DTD1: variants seen among roughly 807,000 people sequenced by gnomAD.
DTD1 encodes the protein D-tyrosyl-tRNA deacylase 1 homolog.
In DTD1, 13 loss-of-function variants were observed where a neutral mutation model predicts 25.6. That is an observed-to-expected ratio of 0.51 (90% CI 0.33 to 0.81). DTD1 has a LOEUF of 0.81. Ranked by LOEUF, DTD1 falls within the 30% of genes least tolerant of loss-of-function variation. The pLI is 0.02. For missense variants in DTD1, 193 were observed against 266.4 expected (o/e 0.72, Z 1.92); for synonymous variants, 110 against 103.6 (o/e 1.06, Z -0.37).
chr20:18,747,679 T>C (rs2061305442), intron 5 of DTD1, among the ~76,000 whole-genome samples: 1 of 152,098 alleles, frequency 6.6e-6, no homozygotes, highest in Admixed American at 6.5e-5. Context: ...CTGTACTTAA[T>C]AGTCTTTCCT....
At chr20:18,596,553 G>A (rs1473108743) in intron 3 of DTD1, among the ~76,000 whole-genome samples, 1 of 152,072 alleles carries the variant, frequency 6.6e-6, no homozygotes, top group African/African-American at 2.4e-5. Context: ...TAGAAGTATA[G>A]TGCAAGCCTC....
intron 3 of DTD1, among the ~76,000 whole-genome samples, chr20:18,599,962 C>T (rs1375814443): frequency 6.6e-6 from 1 of 152,090 alleles, no homozygotes; most frequent in Admixed American, 6.5e-5. Context: ...AATATTTATC[C>T]TTTATCAGAT....
rs1308810236 is a variant in DTD1 at position 18,606,060 on chromosome 20, T to A, written c.370+9819T>A. 4.0e-3 allele frequency among the ~76,000 whole-genome samples: 506 copies of A among 126,644 alleles called. 1 individual carries two copies. Among genetic ancestry groups the A allele is most frequent in the African/African-American group, 0.011 (387 of 34,368 alleles). 83.1% of individuals were successfully genotyped at this position (126,644 alleles called of 152,430 possible). On this transcript the variant is annotated intron_variant, in intron 3 of 5. Transcript: ENST00000377452. The stretch of plus-strand genomic sequence containing the variant: ...AAGGGCTAATATCCAGAATCTACAA[T>A]GAACTCAAACAAATTTACAAGAAAA...
intron 4 of DTD1, among the ~76,000 whole-genome samples, chr20:18,738,089 G>A (rs1171573824): frequency 6.6e-6 from 1 of 152,202 alleles, no homozygotes; most frequent in Non-Finnish European, 1.5e-5. Flanking sequence ...CCTCAGGAAG[G>A]CAGGGCTCTG....
At chr20:18,721,617 C>G (rs1260947934) in intron 4 of DTD1, among the ~76,000 whole-genome samples, 1 of 152,120 alleles carries the variant, frequency 6.6e-6, no homozygotes, top group East Asian at 1.9e-4. Context: ...TTTAGAAGAA[C>G]ATATCTGATT....
At chr20:18,663,577 A>G (rs569529888) in intron 4 of DTD1, among the ~76,000 whole-genome samples, 40 of 152,242 alleles carry the variant, frequency 2.6e-4, no homozygotes, top group African/African-American at 7.9e-4. Flanking sequence ...TTTCTTTTCT[A>G]TGTTTAGATA....
chr20:18,681,247 A>G (rs2060995619), intron 4 of DTD1, among the ~76,000 whole-genome samples: 1 of 152,224 alleles, frequency 6.6e-6, no homozygotes. Context: ...CCAGCTGGGC[A>G]CGCTGAGCTG....
chr20:18,630,158 G>GT (rs1256417876), intron 4 of DTD1, among the ~76,000 whole-genome samples: 1 of 151,978 alleles, frequency 6.6e-6, no homozygotes, highest in African/African-American at 2.4e-5. Context: ...ACATGAAAAT[G>GT]TAAGCTTTTT....
intron 4 of DTD1, among the ~76,000 whole-genome samples, chr20:18,641,427 A>G (rs1206883197): frequency 6.6e-6 from 1 of 152,194 alleles, no homozygotes; most frequent in East Asian, 1.9e-4. Context: ...ACTGTTTTCC[A>G]CAGCGTCTGT....
chr20:18,728,314 G>A (rs1163480165), intron 4 of DTD1, among the ~76,000 whole-genome samples: 1 of 152,184 alleles, frequency 6.6e-6, no homozygotes, highest in African/African-American at 2.4e-5. Context: ...GACCTGGCTG[G>A]GGGATGGGAG....
At chr20:18,734,148 C>T (rs1164703207) in intron 4 of DTD1, among the ~76,000 whole-genome samples, 3 of 152,248 alleles carry the variant, frequency 2.0e-5, no homozygotes, top group Admixed American at 1.3e-4. Context: ...TAAAATGCCA[C>T]GTTAGATTCA....
At chr20:18,702,744 C>CAA (rs10583250) in intron 4 of DTD1, among the ~76,000 whole-genome samples, 14,666 of 122,490 alleles carry the variant, frequency 0.12, 1,081 homozygotes, top group Non-Finnish European at 0.17. Flanking sequence ...TGGAATGAGG[C>CAA]AAAAAAAAAA....
intron 4 of DTD1, among the ~76,000 whole-genome samples, chr20:18,634,921 G>A (rs985557404): frequency 2.0e-5 from 3 of 152,086 alleles, no homozygotes; most frequent in African/African-American, 7.2e-5. Context: ...TTTCAGTTTG[G>A]GGGACAAATC....
At chr20:18,669,808 G>A (rs773372407) in intron 4 of DTD1, among the ~76,000 whole-genome samples, 6 of 152,056 alleles carry the variant, frequency 3.9e-5, no homozygotes, top group South Asian at 2.1e-4. Flanking sequence ...CTTGCATACC[G>A]TGGCCTGCTT....
In DTD1 at chr20:18,662,057, T is replaced by TGG. The variant is rs1410280187; in HGVS notation, c.477+33826_477+33827dup. Among the ~76,000 whole-genome samples, 4 of 151,950 alleles carry TGG rather than the reference T, an allele frequency of 2.6e-5. No homozygotes were observed. In the East Asian group the frequency reaches 7.7e-4, roughly 29 times the overall value. Reference sequence around the variant, plus strand: ...GTCCTAGCTACTTAGAAGGCTGAGGTGGGAGGATCGCTTGAGGCCAGGAGT... The same window carrying TGG: ...GTCCTAGCTACTTAGAAGGCTGAGGTGGGGGAGGATCGCTTGAGGCCAGGAGT... On this transcript the variant is annotated intron_variant, in intron 4 of 5. Coordinates refer to ENST00000377452, the MANE Select transcript of DTD1 (RefSeq NM_080820.6).
At position 18,708,263 on chromosome 20, in the gene DTD1, TTTTA is replaced by T. The variant is rs2061139748; in HGVS notation, c.478-35835_478-35832del. 1.1e-3 allele frequency among the ~76,000 whole-genome samples: 26 copies of T among 24,030 alleles called. 1 individual carries two copies. The highest frequency in any genetic ancestry group is 2.0e-3 in the Non-Finnish European group (22 of 11,248). The allele number at this position is 24,030 out of a possible 152,430, so 15.8% of individuals were successfully genotyped here. On this transcript the variant is annotated intron_variant, in intron 4 of 5. Transcript: ENST00000377452. ...ATATATAATATATATTATATATATA[TTTTA>T]TATATATATAATATATATTATATAT...
intron 3 of DTD1, among the ~76,000 whole-genome samples, chr20:18,598,588 C>G (rs1238021760): frequency 6.6e-6 from 1 of 151,950 alleles, no homozygotes; most frequent in Non-Finnish European, 1.5e-5. Context: ...AGCTCTGCCT[C>G]CCGGGCTCAT....
chr20:18,708,241 TATAA>T (rs1568676703), intron 4 of DTD1, among the ~76,000 whole-genome samples: 59 of 2,314 alleles, frequency 0.025, 6 homozygotes, highest in African/African-American at 0.045. Context: ...TTTATATATA[TATAA>T]TATATATTAT....
chr20:18,626,491 G>T (rs1487151168), intron 3 of DTD1, among the ~76,000 whole-genome samples: 1 of 152,200 alleles, frequency 6.6e-6, no homozygotes, highest in Non-Finnish European at 1.5e-5. Context: ...GCAGCTCTGG[G>T]TAGAAAGAAA....
Sources: allele counts gnomAD v4.1 joint callset (sites outside exome capture counted in the v4.1 genomes callset), GRCh38; gene constraint gnomAD v4.1.1; transcripts MANE v1.5; gene names NCBI Gene and HGNC (gene_info 2026-07-23, HGNC 2026-07-21).